The following TOGARAM1 variants were observed in gnomAD, a reference collection of about 807,000 sequenced individuals.
TOGARAM1 encodes TOG array regulator of axonemal microtubules protein 1.
A neutral mutation model predicts 166.6 loss-of-function variants in TOGARAM1; 100 were observed. The ratio of observed to expected loss-of-function variants is 0.60; its 90% CI spans 0.51 to 0.71. TOGARAM1 has a LOEUF of 0.71. Ranked by LOEUF, TOGARAM1 falls within the 30% of genes least tolerant of loss-of-function variation. TOGARAM1 has a pLI of 0.00. For missense variants in TOGARAM1, 2,029 were observed against 2,102.7 expected (o/e 0.96, Z 0.69); for synonymous variants, 758 against 763.8 (o/e 0.99, Z 0.13).
intron 2 of TOGARAM1, among the ~76,000 whole-genome samples, chr14:44,998,933 T>C (rs1412092684): frequency 1.3e-5 from 2 of 152,038 alleles, no homozygotes; most frequent in African/African-American, 4.8e-5. Flanking sequence ...TAAAAGAGGT[T>C]GCAGCGGTTG....
chr14:45,033,627 C>T (rs1390022181), intron 11 of TOGARAM1, among the ~76,000 whole-genome samples: 4 of 152,156 alleles, frequency 2.6e-5, no homozygotes, highest in African/African-American at 9.7e-5. Flanking sequence ...TAAATTCCAT[C>T]TAAACTCTGA....
intron 1 of TOGARAM1, chr14:44,978,320 A>T (rs938855453): frequency 6.6e-6 from 1 of 152,222 alleles, no homozygotes; most frequent in Non-Finnish European, 1.5e-5. Context: ...AAGAAAAAAA[A>T]ATGTTTAGCT....
At chr14:44,990,283 G>A (rs1322191262) in intron 1 of TOGARAM1, among the ~76,000 whole-genome samples, 1 of 152,242 alleles carries the variant, frequency 6.6e-6, no homozygotes, top group African/African-American at 2.4e-5. Context: ...GCTGCCGTCT[G>A]TGTGAACACA....
chr14:45,057,187 A>G (rs970367414), intron 16 of TOGARAM1, among the ~76,000 whole-genome samples: 4 of 152,024 alleles, frequency 2.6e-5, no homozygotes, highest in Non-Finnish European at 5.9e-5. Context: ...AATCAGTCCT[A>G]ATGTCTCCTT....
chr14:44,997,862 T>C (rs773160552), intron 2 of TOGARAM1, among the ~76,000 whole-genome samples: 1 of 151,528 alleles, frequency 6.6e-6, no homozygotes, highest in Non-Finnish European at 1.5e-5. Context: ...TTCTAAATGA[T>C]AGTTTAGGAT....
rs771615841 is a variant in TOGARAM1 at position 45,032,390 on chromosome 14, CCTTAA to C, written c.3812+20_3812+24del. On this transcript the variant is annotated intron_variant, in intron 11 of 19. Coordinates refer to ENST00000361462, the MANE Select transcript of TOGARAM1 (RefSeq NM_001308120.2). ...TGATGAGGATTGGTAAGTTCACCAT[CCTTAA>C]CTTAAAACTAAGCAGAGTTCAAAAG... 2 of 1,607,052 alleles carry C rather than the reference CCTTAA, an allele frequency of 1.2e-6. No individual in the cohort carries two copies. Among genetic ancestry groups the C allele is most frequent in the African/African-American group, 1.3e-5 (1 of 74,608 alleles).
At chr14:45,065,293 A>G (rs539648968) in intron 16 of TOGARAM1, among the ~76,000 whole-genome samples, 93 of 152,338 alleles carry the variant, frequency 6.1e-4, no homozygotes, top group African/African-American at 2.1e-3. Flanking sequence ...ATGATCATCT[A>G]AACAGGGGTG....
intron 1 of TOGARAM1, among the ~76,000 whole-genome samples, chr14:44,970,283 C>G (rs1013339798): frequency 1.3e-5 from 2 of 152,068 alleles, no homozygotes; most frequent in Admixed American, 1.3e-4. Context: ...TTGAAATATC[C>G]TACTTCTGTA....
chr14:45,066,906 G>A, intron 17 of TOGARAM1, 139 bp downstream of exon 17: 1 of 523,462 alleles, frequency 1.9e-6, no homozygotes, highest in Non-Finnish European at 3.3e-6. Flanking sequence ...AACATAGCAA[G>A]ACCCTGTCTC....
intron 14 of TOGARAM1, among the ~76,000 whole-genome samples, chr14:45,047,284 C>T (rs1439381146): frequency 6.6e-6 from 1 of 151,298 alleles, no homozygotes; most frequent in African/African-American, 2.4e-5. Flanking sequence ...CTCAGCTACT[C>T]TGGAGGCTGA....
intron 1 of TOGARAM1, among the ~76,000 whole-genome samples, chr14:44,967,847 T>C (rs1263999329): frequency 6.6e-6 from 1 of 152,224 alleles, no homozygotes; most frequent in Non-Finnish European, 1.5e-5. Flanking sequence ...TGTAGATTTT[T>C]TTGGAAATAA....
Position 44,963,801 on chromosome 14 carries a change from C to T in TOGARAM1, c.1380C>T (p.Leu460=), listed in dbSNP as rs969619145. The change falls in exon 1 of 20, where the codon CTC becomes CTT. Residue 460 remains leucine, a synonymous_variant. Coordinates refer to ENST00000361462, the MANE Select transcript of TOGARAM1 (RefSeq NM_001308120.2). ...AACAAGAATACATGAAAATCTTCCTCAAGCTAATGAAGGAAGTAGGACCTC... is the reference window on the plus strand; with the variant it reads ...AACAAGAATACATGAAAATCTTCCTTAAGCTAATGAAGGAAGTAGGACCTC... ...VIKQEYMKIF[L]KLMKEVGPQQ... is the part of the protein sequence containing the mutation. 3 of 1,614,098 alleles carry T rather than the reference C, an allele frequency of 1.9e-6. No homozygotes were observed. In the East Asian group the frequency reaches 6.7e-5, roughly 36 times the overall value.
intron 16 of TOGARAM1, among the ~76,000 whole-genome samples, chr14:45,062,596 A>G (rs1019294149): frequency 6.6e-5 from 10 of 152,194 alleles, no homozygotes; most frequent in African/African-American, 1.9e-4. Flanking sequence ...CAACCTTACA[A>G]TGGTGCAAAA....
chr14:45,001,090 C>T (rs925373343), intron 3 of TOGARAM1, among the ~76,000 whole-genome samples: 2 of 152,112 alleles, frequency 1.3e-5, no homozygotes, highest in African/African-American at 4.8e-5. Flanking sequence ...ACTAATTTAG[C>T]TTCCCACCAG....
intron 1 of TOGARAM1, among the ~76,000 whole-genome samples, chr14:44,990,183 T>C (rs1887053180): frequency 6.6e-6 from 1 of 152,252 alleles, no homozygotes; most frequent in Admixed American, 6.5e-5. Context: ...AAGCAGATTC[T>C]AGATTCCCTG....
intron 8 of TOGARAM1, among the ~76,000 whole-genome samples, 155 bp from the exon 9 acceptor site, chr14:45,027,144 G>A (rs1009875169): frequency 6.6e-6 from 1 of 152,128 alleles, no homozygotes; most frequent in Non-Finnish European, 1.5e-5. Context: ...TGCCCTATTA[G>A]GGTATTTGTT....
At position 45,030,041 on chromosome 14, in the gene TOGARAM1, C is replaced by G. The variant is rs192860349; in HGVS notation, c.3658+1712C>G. ...TTCACCATGTTGGACAGGCTGGTCT[C>G]GAACTCCTGACCTCGTGATCTGCTC... On this transcript the variant is annotated intron_variant, in intron 10 of 19. Transcript: ENST00000361462. Among the ~76,000 whole-genome samples the G allele has an allele frequency of 2.6e-5, 4 of 152,036 alleles. No individual in the cohort carries two copies. The East Asian group carries it at 5.8e-4, about 22-fold the overall frequency.
At chr14:44,992,640 A>G (rs1201115178) in intron 1 of TOGARAM1, among the ~76,000 whole-genome samples, 7 of 102,906 alleles carry the variant, frequency 6.8e-5, no homozygotes, top group Non-Finnish European at 8.9e-5. Context: ...TTTTTTTGAG[A>G]TGAGTCTCCC....
Position 45,068,661 on chromosome 14 carries a change from G to A in TOGARAM1, c.4969+18G>A, listed in dbSNP as rs12100992. 13,535 of 1,517,730 alleles carry A rather than the reference G, an allele frequency of 8.9e-3. 984 individuals carry two copies. In the African/African-American group the frequency reaches 0.16, roughly 18 times the overall value. 94.0% of individuals were successfully genotyped at this position (1,517,730 alleles called of 1,614,324 possible). A position where few individuals can be genotyped will look rare whatever the true frequency, so the allele number is the denominator to read the frequency against. ...GCATGTAGGTAAGAAATCTTACTTCGGCACTCAAATTATTTTCACTTTCTT... is the reference window on the plus strand; with the variant it reads ...GCATGTAGGTAAGAAATCTTACTTCAGCACTCAAATTATTTTCACTTTCTT... On this transcript the variant is annotated intron_variant, in intron 18 of 19. Coordinates refer to ENST00000361462, the MANE Select transcript of TOGARAM1 (RefSeq NM_001308120.2).
Sources: allele counts gnomAD v4.1 joint callset (sites outside exome capture counted in the v4.1 genomes callset), GRCh38; gene constraint gnomAD v4.1.1; transcripts MANE v1.5; gene names NCBI Gene and HGNC (gene_info 2026-07-23, HGNC 2026-07-21).